Variants in CLEC16A observed in about 807,000 individuals in gnomAD.
CLEC16A encodes the protein protein CLEC16A.
In CLEC16A, 51 loss-of-function variants were observed where a neutral mutation model predicts 109.5. That is an observed-to-expected ratio of 0.47 (90% CI 0.37 to 0.59). The LOEUF is 0.59. Among genes scored for constraint, CLEC16A ranks in the 20% least tolerant of loss-of-function variants. The pLI is 0.00. For missense variants in CLEC16A, 1,339 were observed against 1,394.0 expected (o/e 0.96, Z 0.63); for synonymous variants, 673 against 564.2 (o/e 1.19, Z -2.73).
At chr16:10,997,214 A>G (rs766773978) in intron 10 of CLEC16A, among the ~76,000 whole-genome samples, 3 of 152,194 alleles carry the variant, frequency 2.0e-5, no homozygotes, top group Admixed American at 6.5e-5. Flanking sequence ...CTCCTGCCTT[A>G]GCCTCCCCAG....
chr16:11,003,841 G>A (rs1216524076), intron 11 of CLEC16A, among the ~76,000 whole-genome samples: 1 of 152,076 alleles, frequency 6.6e-6, no homozygotes, highest in Non-Finnish European at 1.5e-5. Flanking sequence ...TTAATGAAAT[G>A]ATATGCTTGT....
intron 12 of CLEC16A, among the ~76,000 whole-genome samples, chr16:11,021,778 C>T (rs1332127487): frequency 6.6e-6 from 1 of 152,188 alleles, no homozygotes; most frequent in Non-Finnish European, 1.5e-5. Context: ...GCCTGGGCAA[C>T]AGAATGAGAC....
At position 11,024,902 on chromosome 16, in the gene CLEC16A, T is replaced by C. The variant is rs200537565; in HGVS notation, c.1518T>C (p.Tyr506=). 1 of 1,608,572 alleles carries C rather than the reference T, an allele frequency of 6.2e-7. No individual in the cohort carries two copies. The highest frequency in any genetic ancestry group is 8.5e-7 in the Non-Finnish European group (1 of 1,177,418). Residue 506 remains tyrosine, a synonymous_variant, in exon 13 of 24, where the codon TAT becomes TAC. Transcript: ENST00000409790. ...CCCTGTTCGTGCTCTGCCTCCTCTA[T>C]GCCATGTCTCATAATAAAGGTAAGC... ...YHALFVLCLL[Y]AMSHNKGMDP...
intron 10 of CLEC16A, among the ~76,000 whole-genome samples, chr16:10,995,307 C>T (rs1199740336): frequency 6.6e-6 from 1 of 152,196 alleles, no homozygotes; most frequent in Admixed American, 6.5e-5. Flanking sequence ...AGGACTGAAA[C>T]CACGGTGGAT....
chr16:11,175,623 C>T (rs2068718929), intron 23 of CLEC16A, among the ~76,000 whole-genome samples: 2 of 152,198 alleles, frequency 1.3e-5, no homozygotes, highest in Non-Finnish European at 2.9e-5. Context: ...AAGGCCATGT[C>T]ATAGGTGATG....
chr16:11,110,954 C>A (rs2051545469), intron 19 of CLEC16A, among the ~76,000 whole-genome samples: 1 of 152,186 alleles, frequency 6.6e-6, no homozygotes, highest in Admixed American at 6.5e-5. Context: ...CCTCTTCCTT[C>A]CCAGCATCTT....
chr16:11,141,424 G>A (rs1174149596), intron 22 of CLEC16A, among the ~76,000 whole-genome samples: 2 of 152,230 alleles, frequency 1.3e-5, no homozygotes, highest in Non-Finnish European at 2.9e-5. Flanking sequence ...CTGAAGTGGT[G>A]GGGGCCTCAA....
At chr16:11,049,921 A>G (rs143743756) in intron 17 of CLEC16A, among the ~76,000 whole-genome samples, 33 of 152,334 alleles carry the variant, frequency 2.2e-4, no homozygotes, top group Admixed American at 5.9e-4. Flanking sequence ...GAAAGTACTT[A>G]AAGTGTCCAA....
intron 20 of CLEC16A, among the ~76,000 whole-genome samples, chr16:11,122,286 A>C (rs1336999573): frequency 6.6e-6 from 1 of 152,226 alleles, no homozygotes; most frequent in Non-Finnish European, 1.5e-5. Flanking sequence ...TGTGAGAAAC[A>C]ACTATAGAAG....
At chr16:11,080,666 G>C (rs1365155859) in intron 19 of CLEC16A, among the ~76,000 whole-genome samples, 1 of 152,236 alleles carries the variant, frequency 6.6e-6, no homozygotes, top group Non-Finnish European at 1.5e-5. Context: ...TCTCTGGGGA[G>C]AATCTGTTTT....
chr16:11,074,347 CT>C (rs1365118924), intron 19 of CLEC16A, among the ~76,000 whole-genome samples: 2 of 152,180 alleles, frequency 1.3e-5, no homozygotes, highest in Non-Finnish European at 2.9e-5. Context: ...TTGCTGGCCA[CT>C]TTTCAGAAAT....
intron 19 of CLEC16A, 91 bp downstream of exon 19, chr16:11,061,113 A>G: frequency 2.9e-6 from 4 of 1,376,014 alleles, no homozygotes; most frequent in Non-Finnish European, 3.9e-6. Context: ...TGGGAGGGTC[A>G]GTGTGCAACC....
At chr16:11,134,062 G>A (rs1158092415) in intron 22 of CLEC16A, among the ~76,000 whole-genome samples, 2 of 152,020 alleles carry the variant, frequency 1.3e-5, no homozygotes, top group Non-Finnish European at 2.9e-5. Flanking sequence ...CTTTCAGCAG[G>A]TCAGAAAGTG....
In CLEC16A at chr16:11,042,237, C is replaced by A. The variant is rs2047376356; in HGVS notation, c.1661-17C>A. ...CCCACCCTGGGTGTGCAAGGCTTAC[C>A]CTGGTGTGCTCTGCAGATGGGAAGA... On this transcript the variant is annotated splice_polypyrimidine_tract_variant and intron_variant, in intron 14 of 23. Coordinates refer to ENST00000409790, the MANE Select transcript of CLEC16A (RefSeq NM_015226.3). 1 of 1,560,402 alleles carries A rather than the reference C, an allele frequency of 6.4e-7. No individual in the cohort carries two copies. Among genetic ancestry groups the A allele is most frequent in the African/African-American group, 1.4e-5 (1 of 73,642 alleles).
intron 19 of CLEC16A, among the ~76,000 whole-genome samples, chr16:11,089,083 A>G (rs1348840365): frequency 1.3e-5 from 2 of 151,920 alleles, no homozygotes; most frequent in African/African-American, 2.4e-5. Context: ...AGCTCTTCGC[A>G]CCTGCACACA....
chr16:11,119,637 C>A lies in CLEC16A; in HGVS notation c.2117-978C>A, dbSNP rs185430144. On this transcript the variant is annotated intron_variant, in intron 19 of 23. Transcript: ENST00000409790. ...CAACTCCTGAGCTGAAGCGATCCTC[C>A]CTCCTCGGACTCCCAAAGTGCTGGA... 4.9e-3 allele frequency among the ~76,000 whole-genome samples: 752 copies of A among 152,280 alleles called. 4 individuals carry two copies. The highest frequency in any genetic ancestry group is 0.01 in the Middle Eastern group (3 of 294).
intron 19 of CLEC16A, chr16:11,071,219 C>A (rs150971161): frequency 6.6e-6 from 1 of 152,158 alleles, no homozygotes; most frequent in Non-Finnish European, 1.5e-5. Context: ...GTTTTGTGGT[C>A]CTGTCAGTTC....
intron 22 of CLEC16A, chr16:11,136,220 T>C (rs552943789): frequency 4.6e-5 from 7 of 152,246 alleles, no homozygotes; most frequent in South Asian, 4.1e-4. Flanking sequence ...TCTCAGTTTA[T>C]TCATATAAGA....
chr16:10,968,697 A>G (rs924303964), intron 3 of CLEC16A, among the ~76,000 whole-genome samples: 1 of 152,338 alleles, frequency 6.6e-6, no homozygotes, highest in East Asian at 1.9e-4. Context: ...TTCAGCAGGA[A>G]GGGACCTTTA....
Sources: gnomAD v4.1 joint callset for allele counts (sites outside exome capture counted in the v4.1 genomes callset) on GRCh38, gnomAD v4.1.1 for gene constraint, MANE v1.5 for transcripts, NCBI Gene and HGNC (gene_info 2026-07-23, HGNC 2026-07-21) for gene names.